MED13: variants seen among roughly 807,000 people sequenced by gnomAD.
The protein encoded by MED13 is mediator complex subunit 13.
A neutral mutation model predicts 225.2 loss-of-function variants in MED13; 23 were observed. The observed-to-expected ratio is 0.10, with a 90% CI of 0.07 to 0.14. MED13 has a LOEUF of 0.14. MED13 is among the 10% of genes least tolerant of loss of function. MED13 has a pLI of 1.00. For synonymous variants in MED13, 942 were observed against 889.2 expected (o/e 1.06, Z -1.06); for missense variants, 2,197 against 2,594.5 (o/e 0.85, Z 3.33).
At chr17:62,004,803 C>T (rs2080429601) in intron 9 of MED13, 1 of 152,130 alleles carries the variant, frequency 6.6e-6, no homozygotes, top group Non-Finnish European at 1.5e-5. Flanking sequence ...GACTAGTAAT[C>T]TCAGGCCAAG....
intron 3 of MED13, among the ~76,000 whole-genome samples, chr17:62,051,898 A>C (rs2080960258): frequency 1.3e-5 from 2 of 152,214 alleles, no homozygotes; most frequent in Non-Finnish European, 2.9e-5. Flanking sequence ...ATATTATCTA[A>C]ATCACGGAGA....
chr17:61,958,860 A>T (rs1383631028), intron 23 of MED13, among the ~76,000 whole-genome samples: 1 of 152,228 alleles, frequency 6.6e-6, no homozygotes, highest in Non-Finnish European at 1.5e-5. Context: ...TCATCCTAAC[A>T]ACTCTATGAG....
chr17:61,960,807 A>G, intron 23 of MED13, 60 bp downstream of exon 23: 2 of 1,250,284 alleles, frequency 1.6e-6, no homozygotes, highest in Non-Finnish European at 2.2e-6. Flanking sequence ...TCTATTCATT[A>G]AAAATGAAAC....
At chr17:62,047,094 G>C (rs1302983272) in intron 3 of MED13, among the ~76,000 whole-genome samples, 2 of 151,814 alleles carry the variant, frequency 1.3e-5, no homozygotes, top group Non-Finnish European at 2.9e-5. Context: ...AGTTCGGCTG[G>C]GCATGGTGGC....
At position 61,968,028 on chromosome 17, in the gene MED13, C is replaced by A; in HGVS notation, c.4191+7G>T. 1.3e-6 allele frequency: 2 copies of A among 1,592,510 alleles called. No individual in the cohort carries two copies. Among genetic ancestry groups the A allele is most frequent in the Admixed American group, 3.4e-5 (2 of 59,700 alleles). ...TTTTAAAATGTCATCTCTTTTTAAA[C>A]ACCTACCTCATATATTGCAGTAAGA... On this transcript the variant is annotated splice_region_variant and intron_variant, in intron 18 of 29. Transcript: ENST00000397786.
At chr17:61,962,329 A>G (rs1402176860) in intron 21 of MED13, among the ~76,000 whole-genome samples, 3 of 152,134 alleles carry the variant, frequency 2.0e-5, no homozygotes, top group Non-Finnish European at 4.4e-5. Context: ...TCTATATAAC[A>G]ATTATATTAA....
At chr17:61,957,140 G>A (rs906117925) in intron 23 of MED13, among the ~76,000 whole-genome samples, 4 of 151,800 alleles carry the variant, frequency 2.6e-5, no homozygotes, top group Non-Finnish European at 5.9e-5. Flanking sequence ...TCTGCCTCCC[G>A]GGCTCAAGTG....
chr17:62,015,013 G>A (rs1228538572), intron 8 of MED13, among the ~76,000 whole-genome samples: 1 of 152,110 alleles, frequency 6.6e-6, no homozygotes, highest in Admixed American at 6.5e-5. Context: ...CCAGAATGTG[G>A]GGCACTCTAT....
At chr17:61,993,502 G>A (rs1012479532) in intron 10 of MED13, among the ~76,000 whole-genome samples, 3 of 150,736 alleles carry the variant, frequency 2.0e-5, no homozygotes, top group Non-Finnish European at 4.4e-5. Flanking sequence ...GCACCCAGCC[G>A]GTTCACGTTC....
At chr17:62,032,200 G>C (rs2080763842) in intron 5 of MED13, 1 of 151,860 alleles carries the variant, frequency 6.6e-6, no homozygotes, top group Non-Finnish European at 1.5e-5. Flanking sequence ...CAGGCCAGGA[G>C]TGGTAGCTCA....
intron 3 of MED13, among the ~76,000 whole-genome samples, chr17:62,039,587 ATTTTT>A (rs57066822): frequency 1.7e-4 from 19 of 109,348 alleles, no homozygotes; most frequent in Admixed American, 6.8e-4. Flanking sequence ...CCCAGCCAAG[ATTTTT>A]TTTTTTTTTT....
chr17:62,028,758 T>C (rs990134290), intron 8 of MED13, among the ~76,000 whole-genome samples: 9 of 151,028 alleles, frequency 6.0e-5, no homozygotes, highest in Non-Finnish European at 1.3e-4. Context: ...GGCAGGAGAA[T>C]GGCGTGAACC....
intron 2 of MED13, among the ~76,000 whole-genome samples, chr17:62,053,896 G>A (rs960925210): frequency 3.3e-5 from 5 of 152,170 alleles, no homozygotes; most frequent in African/African-American, 1.2e-4. Flanking sequence ...TATGATAGTG[G>A]ACTTTAACTG....
rs889161149 is a variant in MED13 at position 61,955,482 on chromosome 17, T to C, written c.5868A>G (p.Ser1956=). The change falls in exon 26 of 30, where the codon TCA becomes TCG. Residue 1956 remains serine, a synonymous_variant. Coordinates refer to ENST00000397786, the MANE Select transcript of MED13 (RefSeq NM_005121.3). The part of the protein sequence containing the change: ...TSQLNTPQDT[S]CTHILVFPTS... Reference sequence around the variant, plus strand: ...TAGGAAACACAAGTATATGAGTACATGATGTATCCTGTGGGGTATTTAGCT... The same window carrying C: ...TAGGAAACACAAGTATATGAGTACACGATGTATCCTGTGGGGTATTTAGCT... 12 of 1,605,898 alleles carry C rather than the reference T, an allele frequency of 7.5e-6. No individual in the cohort carries two copies. The African/African-American group carries it at 1.6e-4, about 22-fold the overall frequency.
intron 22 of MED13, 57 bp downstream of exon 22, chr17:61,961,519 CAAAAAAAAAAAA>C (rs56723756): frequency 4.1e-6 from 3 of 733,376 alleles, no homozygotes; most frequent in Admixed American, 8.5e-5. Flanking sequence ...GGCTCCATCT[CAAAAAAAAAAAA>C]AAAAAAAAAA....
At chr17:61,983,357 A>G (rs2080221200) in intron 15 of MED13, among the ~76,000 whole-genome samples, 1 of 152,136 alleles carries the variant, frequency 6.6e-6, no homozygotes, top group South Asian at 2.1e-4. Context: ...CACTCTATAC[A>G]CTAATGCATA....
intron 9 of MED13, chr17:62,007,501 G>A (rs2080461322): frequency 6.6e-6 from 1 of 152,132 alleles, no homozygotes; most frequent in South Asian, 2.1e-4. Context: ...TTAGGAGATG[G>A]TATTACCTAA....
chr17:61,962,500 T>C (rs777044232), intron 21 of MED13, among the ~76,000 whole-genome samples: 2 of 152,220 alleles, frequency 1.3e-5, no homozygotes, highest in Non-Finnish European at 2.9e-5. Flanking sequence ...AATTGGCTTA[T>C]AAAAGTAACA....
chr17:62,058,520 CAAAAAAAAAAAA>C (rs751957495), intron 2 of MED13, among the ~76,000 whole-genome samples: 12 of 53,464 alleles, frequency 2.2e-4, no homozygotes, highest in African/African-American at 7.7e-4. Context: ...GACTTCATCT[CAAAAAAAAAAAA>C]AAAAAAAAAA....
Sources: gnomAD v4.1 joint callset for allele counts (sites outside exome capture counted in the v4.1 genomes callset) on GRCh38, gnomAD v4.1.1 for gene constraint, MANE v1.5 for transcripts, NCBI Gene and HGNC (gene_info 2026-07-23, HGNC 2026-07-21) for gene names.